PRUNE2: variants seen among roughly 807,000 people sequenced by gnomAD.
The protein encoded by PRUNE2 is prune homolog 2 with BCH domain.
PRUNE2 carries 164 observed loss-of-function variants against 252.0 expected under a neutral mutation model. The ratio of observed to expected loss-of-function variants is 0.65; its 90% CI spans 0.57 to 0.74. The LOEUF (loss-of-function observed/expected upper bound fraction) is 0.74, where lower values mean the gene tolerates loss of function less well. Among genes scored for constraint, PRUNE2 ranks in the 30% least tolerant of loss-of-function variants. PRUNE2 has a pLI of 0.00. For missense variants in PRUNE2, 3,495 were observed against 3,711.0 expected, an observed-to-expected ratio of 0.94 and a Z score of 1.51; for synonymous variants, 1,292 against 1,350.2, an observed-to-expected ratio of 0.96 and a Z score of 0.94.
chr9:76,665,329 G>A (rs184427979), intron 9 of PRUNE2, among the ~76,000 whole-genome samples: 71 of 151,854 alleles, frequency 4.7e-4, no homozygotes, highest in Non-Finnish European at 3.4e-4. Flanking sequence ...CTGGAACCTC[G>A]CCTCCATCCC....
At chr9:76,818,859 GT>G (rs1270672376) in intron 6 of PRUNE2, among the ~76,000 whole-genome samples, 2 of 152,130 alleles carry the variant, frequency 1.3e-5, no homozygotes, top group African/African-American at 4.8e-5. Context: ...TACATTAGGG[GT>G]TGAATTTTGT....
Position 76,707,284 on chromosome 9 carries a change from T to C in PRUNE2, c.4990A>G (p.Lys1664Glu), listed in dbSNP as rs905737617. 12 of 1,613,834 alleles carry C rather than the reference T, an allele frequency of 7.4e-6. No homozygotes were observed. In the Admixed American group the frequency reaches 1.2e-4, roughly 16 times the overall value. Residue 1664 changes from lysine (K) to glutamate (E), a missense_variant, in exon 8 of 19, where the codon AAA (lysine) becomes GAA (glutamate). Transcript: ENST00000376718. ...ESNLIASYQE[K>E]NEHDISATVQ... ...GTTGCAGAAATGTCATGTTCATTTT[T>C]CTCCTGGTAGCTAGCAATTAGATTG...
intron 6 of PRUNE2, among the ~76,000 whole-genome samples, chr9:76,781,649 T>C (rs1012184998): frequency 3.3e-5 from 5 of 152,232 alleles, no homozygotes; most frequent in African/African-American, 1.2e-4. Flanking sequence ...GAAATCTACA[T>C]TTATATGCAT....
Position 76,707,534 on chromosome 9 carries a change from A to G in PRUNE2, c.4740T>C (p.Asn1580=), listed in dbSNP as rs144510087. The G allele has an allele frequency of 1.7e-3, 2,778 of 1,613,918 alleles. 7 individuals carry two copies. Among genetic ancestry groups the G allele is most frequent in the Non-Finnish European group, 2.1e-3 (2,536 of 1,179,878 alleles). ...TGGTAATTAGTTCAGATTCTTGGTG[A>G]TTCTGTTCACTCCAGTTGCCTTGGT... ...EENQGNWSEQ[N]HQESELITTD... is the part of the protein sequence containing the mutation. Residue 1580 remains asparagine, a synonymous_variant, in exon 8 of 19, where the codon AAT becomes AAC. Transcript: ENST00000376718.
chr9:76,652,510 C>T lies in PRUNE2; in HGVS notation c.8530G>A (p.Ala2844Thr), dbSNP rs768373620. 3 of 1,613,302 alleles carry T rather than the reference C, an allele frequency of 1.9e-6. No individual in the cohort carries two copies. The highest frequency in any genetic ancestry group is 1.7e-6 in the Non-Finnish European group (2 of 1,179,376). Reference sequence around the variant, plus strand: ...TGGCCAGTGTACTCAAAAGAATCTGCTTCATCGGGGGTATCAAGTTCATCC... The same window carrying T: ...TGGCCAGTGTACTCAAAAGAATCTGTTTCATCGGGGGTATCAAGTTCATCC... ...NVDELDTPDE[A>T]DSFEYTGHDP... The change falls in exon 11 of 19, where the codon GCA (alanine) becomes ACA (threonine). Residue 2844 changes from alanine to threonine, a missense_variant. Ala to Thr is a moderately conservative substitution (Grantham distance 58). Coordinates refer to ENST00000376718, the MANE Select transcript of PRUNE2 (RefSeq NM_015225.3).
chr9:76,653,951 G>A (rs1301643292), intron 10 of PRUNE2, among the ~76,000 whole-genome samples: 4 of 152,134 alleles, frequency 2.6e-5, no homozygotes, highest in African/African-American at 4.8e-5. Flanking sequence ...CAAAACAAAG[G>A]TAGAGACATA....
At chr9:76,834,386 A>T (rs1419242624) in intron 4 of PRUNE2, among the ~76,000 whole-genome samples, 1 of 152,232 alleles carries the variant, frequency 6.6e-6, no homozygotes, top group Non-Finnish European at 1.5e-5. Context: ...TAAATTTAGC[A>T]AGTTTGCTGC....
intron 9 of PRUNE2, among the ~76,000 whole-genome samples, chr9:76,683,619 G>T (rs1291957342): frequency 1.3e-5 from 2 of 152,078 alleles, no homozygotes; most frequent in East Asian, 1.9e-4. Context: ...TAGAGACAGG[G>T]TTAACTCCCA....
At chr9:76,670,454 A>G (rs1447849545) in intron 9 of PRUNE2, among the ~76,000 whole-genome samples, 1 of 151,912 alleles carries the variant, frequency 6.6e-6, no homozygotes. Flanking sequence ...TCAAACTGCA[A>G]GGCGGCAGTG....
intron 13 of PRUNE2, 102 bp from the exon 14 acceptor site, chr9:76,637,651 T>C (rs1840747037): frequency 9.9e-7 from 1 of 1,012,052 alleles, no homozygotes; most frequent in Admixed American, 2.4e-5. Context: ...TTAAGAATGA[T>C]TGTGCATATT....
In PRUNE2 at chr9:76,894,716, G is replaced by GA. The variant is rs1170899729; in HGVS notation, c.36+11211_36+11212insT. On this transcript the variant is annotated intron_variant, in intron 1 of 18. Transcript: ENST00000376718. The stretch of plus-strand genomic sequence containing the variant: ...TGCACCCTTTCATTAATTTTCTGCA[G>GA]CAAAAAAAAAAAAAAAGGACCAGCC... 2.6e-3 allele frequency among the ~76,000 whole-genome samples: 286 copies of GA among 110,708 alleles called. 3 individuals are homozygous for GA. The highest frequency in any genetic ancestry group is 4.6e-3 in the Admixed American group (57 of 12,328). The allele number at this position is 110,708 out of a possible 152,430, so 72.6% of individuals were successfully genotyped here.
At position 76,623,590 on chromosome 9, in the gene PRUNE2, T is replaced by C. The variant is rs148694503; in HGVS notation, c.9188+862A>G. ...TTACAGGGGTCTGACTTTCTATTGG[T>C]TGGGCTATTTTACAGCTCAATAGGG... On this transcript the variant is annotated intron_variant, in intron 17 of 18. Coordinates refer to ENST00000376718, the MANE Select transcript of PRUNE2 (RefSeq NM_015225.3). Among the ~76,000 whole-genome samples, 380 of 152,240 alleles carry C rather than the reference T, an allele frequency of 2.5e-3. 3 individuals are homozygous for C. Among genetic ancestry groups the C allele is most frequent in the Middle Eastern group, 0.017 (5 of 294 alleles).
chr9:76,837,302 C>T (rs556185297), intron 4 of PRUNE2, among the ~76,000 whole-genome samples: 69 of 152,036 alleles, frequency 4.5e-4, no homozygotes, highest in Admixed American at 1.7e-3. Flanking sequence ...ATTAGCCAGG[C>T]GTGGTGGCGG....
chr9:76,903,284 T>C (rs1036983898), intron 1 of PRUNE2, among the ~76,000 whole-genome samples: 2 of 152,172 alleles, frequency 1.3e-5, no homozygotes, highest in Non-Finnish European at 2.9e-5. Flanking sequence ...GATGAGGTTA[T>C]GTTAGGACTT....
chr9:76,861,595 GA>G (rs2060551070), intron 1 of PRUNE2, among the ~76,000 whole-genome samples: 2 of 152,092 alleles, frequency 1.3e-5, no homozygotes, highest in African/African-American at 4.8e-5. Flanking sequence ...TGGAGCACTG[GA>G]CATCAACTAA....
rs1320037606 is a variant in PRUNE2 at position 76,614,563 on chromosome 9, T to C, written c.*7A>G. 1 of 1,611,274 alleles carries C rather than the reference T, an allele frequency of 6.2e-7. No individual in the cohort carries two copies. Among genetic ancestry groups the C allele is most frequent in the Non-Finnish European group, 8.5e-7 (1 of 1,177,678 alleles). ...AGAAAAGCATCCTCTTCTTCCAGCA[T>C]GGCCAACTAAGGCTTTTCTTTCAGC... On this transcript the variant is annotated 3_prime_UTR_variant, in exon 19 of 19. Transcript: ENST00000376718.
intron 4 of PRUNE2, among the ~76,000 whole-genome samples, chr9:76,829,544 C>T (rs988826738): frequency 2.0e-5 from 3 of 152,102 alleles, no homozygotes; most frequent in Non-Finnish European, 4.4e-5. Context: ...TTCATTAATT[C>T]GCATATTGTT....
chr9:76,652,261 G>A (rs1847692497), intron 11 of PRUNE2: 1 of 500,974 alleles, frequency 2.0e-6, no homozygotes, highest in Non-Finnish European at 3.6e-6. Context: ...TGCTAGCACA[G>A]AGTGGGGGTT....
chr9:76,836,612 T>C (rs890898221), intron 4 of PRUNE2, among the ~76,000 whole-genome samples: 2 of 152,164 alleles, frequency 1.3e-5, no homozygotes, highest in African/African-American at 4.8e-5. Context: ...CAAATGAAAG[T>C]GGATACTAAT....
Sources: gnomAD v4.1 joint callset for allele counts (sites outside exome capture counted in the v4.1 genomes callset) on GRCh38, gnomAD v4.1.1 for gene constraint, MANE v1.5 for transcripts, NCBI Gene and HGNC (gene_info 2026-07-23, HGNC 2026-07-21) for gene names.